Variants in CRHR2 observed in about 807,000 individuals in gnomAD.
The protein encoded by CRHR2 is corticotropin-releasing hormone receptor 2.
In CRHR2, 53 loss-of-function variants were observed where a neutral mutation model predicts 57.9. The observed-to-expected ratio is 0.92, with a 90% CI of 0.73 to 1.15. The LOEUF is 1.15. Ranked by LOEUF, CRHR2 falls within the 50% of genes most tolerant of loss-of-function variation. CRHR2 has a pLI of 0.00. For missense variants in CRHR2, 532 were observed against 542.6 expected, an observed-to-expected ratio of 0.98 and a Z score of 0.19; for synonymous variants, 213 against 220.9, an observed-to-expected ratio of 0.96 and a Z score of 0.32.
chr7:30,660,274 A>C (rs1783942941), intron 8 of CRHR2, among the ~76,000 whole-genome samples: 1 of 152,228 alleles, frequency 6.6e-6, no homozygotes, highest in Non-Finnish European at 1.5e-5. Flanking sequence ...CTTTCTCAGC[A>C]TTGTACAGTG....
intron 2 of CRHR2, chr7:30,688,841 A>G (rs1396561144): frequency 8.5e-6 from 4 of 469,840 alleles, no homozygotes; most frequent in Admixed American, 2.3e-5. Context: ...AGCCACGGCA[A>G]CCAGAGAATG....
At chr7:30,661,847 C>T (rs557862105) in intron 7 of CRHR2, among the ~76,000 whole-genome samples, 1 of 152,326 alleles carries the variant, frequency 6.6e-6, no homozygotes, top group East Asian at 1.9e-4. Context: ...TTCCACATAC[C>T]CCGGGCCAGA....
chr7:30,683,917 G>C (rs1018768593), upstream of CRHR2, among the ~76,000 whole-genome samples: 9 of 152,176 alleles, frequency 5.9e-5, no homozygotes, highest in African/African-American at 1.7e-4. Flanking sequence ...AAAGCAGCAG[G>C]CAGGCTGCTT....
intron 1 of CRHR2, among the ~76,000 whole-genome samples, chr7:30,692,320 C>G (rs1039392172): frequency 1.3e-5 from 2 of 152,150 alleles, no homozygotes; most frequent in Admixed American, 1.3e-4. Flanking sequence ...CCCTGTGCCC[C>G]CCTTCCCCAG....
At chr7:30,696,200 G>C (rs559590805) in intron 1 of CRHR2, among the ~76,000 whole-genome samples, 27 of 152,174 alleles carry the variant, frequency 1.8e-4, no homozygotes, top group African/African-American at 6.5e-4. Context: ...GAATGAATAC[G>C]ACGTAGTATT....
chr7:30,674,811 G>A (rs901991794), intron 2 of CRHR2, among the ~76,000 whole-genome samples: 2 of 152,098 alleles, frequency 1.3e-5, no homozygotes, highest in African/African-American at 4.8e-5. Context: ...AGCCATTCTT[G>A]GTGTGAGCAG....
Position 30,656,508 on chromosome 7 carries a change from T to C in CRHR2, c.832-496A>G, listed in dbSNP as rs1306511288. On this transcript the variant is annotated intron_variant, in intron 8 of 11. Coordinates refer to ENST00000471646, the MANE Select transcript of CRHR2 (RefSeq NM_001883.5). This position sits in a 1 kb window ranked among gnomAD's most constrained non-coding sequence, Gnocchi z 4.4. ...AAGGCCAGATGGAGGGATTAAGAAC[T>C]CAGTTGCCGAATGAGTGATTAATCT... 3.3e-5 allele frequency among the ~76,000 whole-genome samples: 5 copies of C among 152,020 alleles called. No homozygotes were observed.
At chr7:30,693,799 G>A (rs1477707086) in intron 1 of CRHR2, among the ~76,000 whole-genome samples, 1 of 152,218 alleles carries the variant, frequency 6.6e-6, no homozygotes, top group Non-Finnish European at 1.5e-5. Flanking sequence ...AGGACACCCA[G>A]TTGGGGTCCC....
In CRHR2 at chr7:30,655,749, A is replaced by T. The variant is rs761495881; in HGVS notation, c.918-34T>A. ...GAGAGGTGGACACAGGTCTGAGCCC[A>T]TGCGGCAGGCAGGGCCTCACCCAGT... On this transcript the variant is annotated intron_variant, in intron 9 of 11. Transcript: ENST00000471646. The T allele has an allele frequency of 4.4e-6, 7 of 1,606,150 alleles. No homozygotes were observed. The Admixed American group carries it at 5.0e-5, about 12-fold the overall frequency.
chr7:30,686,209 G>T (rs1784852641), upstream of CRHR2, among the ~76,000 whole-genome samples: 1 of 152,162 alleles, frequency 6.6e-6, no homozygotes, highest in African/African-American at 2.4e-5. Context: ...CAGCTCCTTG[G>T]TGACCCCATC....
At chr7:30,659,071 C>T (rs1205930479) in intron 8 of CRHR2, among the ~76,000 whole-genome samples, 1 of 152,224 alleles carries the variant, frequency 6.6e-6, no homozygotes, top group Admixed American at 6.5e-5. Flanking sequence ...GAGAGCATAA[C>T]CCTACTTCTT....
intron 2 of CRHR2, among the ~76,000 whole-genome samples, chr7:30,677,974 G>A (rs1784571286): frequency 6.6e-6 from 1 of 152,252 alleles, no homozygotes; most frequent in Non-Finnish European, 1.5e-5. Context: ...GGAGGCTGAG[G>A]CAGGAGGATT....
At chr7:30,671,913 C>T (rs1379616157) in intron 2 of CRHR2, among the ~76,000 whole-genome samples, 1 of 151,506 alleles carries the variant, frequency 6.6e-6, no homozygotes, top group African/African-American at 2.4e-5. Context: ...AGAGGTAGTA[C>T]TAGTAGTAGT....
intron 8 of CRHR2, among the ~76,000 whole-genome samples, chr7:30,657,673 C>G (rs1239933041): frequency 6.6e-6 from 1 of 152,162 alleles, no homozygotes. Flanking sequence ...ACCCACTAAT[C>G]AATTCAATTA....
At chr7:30,668,767 T>C (rs181012043) in intron 2 of CRHR2, among the ~76,000 whole-genome samples, 37 of 152,250 alleles carry the variant, frequency 2.4e-4, no homozygotes, top group Admixed American at 1.3e-3. Flanking sequence ...GACTGGCCTA[T>C]TCCTTCCTCC....
intron 10 of CRHR2, 133 bp downstream of exon 10, chr7:30,655,447 G>C: frequency 8.7e-7 from 1 of 1,148,952 alleles, no homozygotes; most frequent in East Asian, 2.4e-5. Flanking sequence ...GAGCATGTAC[G>C]GGCTTCTAAC....
At chr7:30,687,446 AAG>A (rs1441276610), upstream of CRHR2, among the ~76,000 whole-genome samples, 1 of 152,136 alleles carries the variant, frequency 6.6e-6, no homozygotes, top group Non-Finnish European at 1.5e-5. Context: ...TTAAAAAAAA[AAG>A]AAAAGAAAAA....
chr7:30,662,698 T>A lies in CRHR2; in HGVS notation c.693A>T (p.Gly231=). The change falls in exon 6 of 12, where the codon GGA becomes GGT. Residue 231 remains glycine (G), a synonymous_variant. Transcript: ENST00000471646. The part of the protein sequence containing the change: ...RLRKCLFLFI[G]WCIPFPIIVA... ...TGCTGCCCCTGGGACCCTCACACCA[T>A]CCGATGAAGAGGAAGAGGCACTTGC... 1 of 1,613,588 alleles carries A rather than the reference T, an allele frequency of 6.2e-7. No homozygotes were observed. Among genetic ancestry groups the A allele is most frequent in the African/African-American group, 1.3e-5 (1 of 75,042 alleles).
chr7:30,655,782 G>A (rs1584079127), intron 9 of CRHR2, 67 bp from the exon 10 acceptor site: 15 of 1,591,314 alleles, frequency 9.4e-6, no homozygotes, highest in Admixed American at 6.8e-5. Flanking sequence ...AGTGGGCGGC[G>A]GGAGACAGTG....
Sources: allele counts gnomAD v4.1 joint callset (sites outside exome capture counted in the v4.1 genomes callset), GRCh38; gene constraint gnomAD v4.1.1; non-coding constraint Gnocchi (gnomAD v3.1); transcripts MANE v1.5; gene names NCBI Gene and HGNC (gene_info 2026-07-23, HGNC 2026-07-21).